Variants in GABPB2 observed in about 807,000 individuals in gnomAD.
GABPB2 encodes GA-binding protein subunit beta-2.
Under a neutral mutation model 39.1 loss-of-function variants are expected in GABPB2, and 23 were observed. The ratio of observed to expected loss-of-function variants is 0.59; its 90% CI spans 0.42 to 0.83. GABPB2 has a LOEUF of 0.83. Ranked by LOEUF, GABPB2 falls within the 40% of genes least tolerant of loss-of-function variation. The probability of loss-of-function intolerance (pLI) is 0.00; values close to 1 mark genes in which losing one functional copy is unlikely to be tolerated. For missense variants in GABPB2, 467 were observed against 541.1 expected, an observed-to-expected ratio of 0.86 and a Z score of 1.36; for synonymous variants, 184 against 199.3, an observed-to-expected ratio of 0.92 and a Z score of 0.65.
rs1189845025 is a variant in GABPB2 at position 151,090,586 on chromosome 1, T to G, written c.276+13T>G. ...ACTGCTTGTTCGGGTAAAGCAAGAATAGGGGCAAGGTTATGTTGTTAAAAA... is the reference window on the plus strand; with the variant it reads ...ACTGCTTGTTCGGGTAAAGCAAGAAGAGGGGCAAGGTTATGTTGTTAAAAA... On this transcript the variant is annotated intron_variant, in intron 3 of 8. Transcript: ENST00000368918. 6.2e-7 allele frequency: 1 copy of G among 1,612,758 alleles called. No individual in the cohort carries two copies. Among genetic ancestry groups the G allele is most frequent in the African/African-American group, 1.3e-5 (1 of 74,872 alleles).
intron 7 of GABPB2, among the ~76,000 whole-genome samples, chr1:151,116,382 C>T (rs1041915091): frequency 7.5e-6 from 1 of 133,252 alleles, no homozygotes; most frequent in Non-Finnish European, 1.5e-5. Flanking sequence ...GTCTGGGCAA[C>T]GAGAGCAAAA....
chr1:151,090,039 A>G (rs1166721364), intron 2 of GABPB2, among the ~76,000 whole-genome samples: 1 of 151,998 alleles, frequency 6.6e-6, no homozygotes, highest in Non-Finnish European at 1.5e-5. Flanking sequence ...CCAGGTTCAA[A>G]GCAATTCTCC....
rs115498753 is a variant in GABPB2 at position 151,121,736 on chromosome 1, C to T, written c.*3480C>T. 0.015 allele frequency: 2,351 copies of T among 152,252 alleles called. 66 individuals carry two copies. Among genetic ancestry groups the T allele is most frequent in the African/African-American group, 0.054 (2,222 of 41,530 alleles). The allele number at this position is 152,252 out of a possible 1,614,324, so 9.4% of individuals were successfully genotyped here. ...TATAGGCGTGAGCCACTGCGCCTGA[C>T]CACCTACCTGCTGGGTTTTCTTTGT... On this transcript the variant is annotated 3_prime_UTR_variant, in exon 9 of 9. Transcript: ENST00000368918.
intron 6 of GABPB2, among the ~76,000 whole-genome samples, chr1:151,105,052 G>A (rs903755435): frequency 6.6e-5 from 10 of 151,734 alleles, no homozygotes; most frequent in Admixed American, 2.6e-4. Context: ...GATTACAGGC[G>A]CCCACCACCA....
rs587710732 is a variant in GABPB2, at chr1:151,103,739, G to C, written c.736+64G>C. On this transcript the variant is annotated intron_variant, in intron 6 of 8. Transcript: ENST00000368918. ...TTCTTTTGTTTTTAAGTCTCCAGCA[G>C]ATTTAATTTGCATGAAATATTATTA... The C allele has an allele frequency of 1.2e-3, 1,239 of 1,025,236 alleles. 2 individuals carry two copies. The highest frequency in any genetic ancestry group is 1.7e-3 in the Non-Finnish European group (1,117 of 659,288). 63.5% of individuals were successfully genotyped at this position (1,025,236 alleles called of 1,614,324 possible).
At chr1:151,093,157 C>G in intron 3 of GABPB2, 35 bp from the exon 4 acceptor site, 1 of 1,511,038 alleles carries the variant, frequency 6.6e-7, no homozygotes, top group East Asian at 2.4e-5. Flanking sequence ...CTACTATAAC[C>G]GCTGTTTGTT....
At chr1:151,091,224 A>G (rs1678666091) in intron 3 of GABPB2, among the ~76,000 whole-genome samples, 1 of 147,430 alleles carries the variant, frequency 6.8e-6, no homozygotes, top group Non-Finnish European at 1.5e-5. Flanking sequence ...AGTAGCTGGG[A>G]TTACAGGCGC....
In GABPB2 at chr1:151,107,035, AG is replaced by A; in HGVS notation, c.737-1del. On this transcript the variant is annotated splice_acceptor_variant, in intron 6 of 8. Coordinates refer to ENST00000368918, the MANE Select transcript of GABPB2 (RefSeq NM_144618.3). LOFTEE classifies it high-confidence loss of function. ...TTTTAAATTTGCTTTTGTCATCTCT[AG>A]CCAATACAGAGGAAATTATAGAAGG... 6.3e-7 allele frequency: 1 copy of A among 1,597,022 alleles called. No homozygotes were observed. The highest frequency in any genetic ancestry group is 1.1e-5 in the South Asian group (1 of 88,202).
At chr1:151,094,375 A>C (rs1571934327) in intron 4 of GABPB2, among the ~76,000 whole-genome samples, 2 of 100,132 alleles carry the variant, frequency 2.0e-5, no homozygotes, top group South Asian at 4.0e-4. Context: ...TCTGTTTCCC[A>C]CCCCCGACCC....
At chr1:151,086,194 G>A (rs761535897) in intron 1 of GABPB2, among the ~76,000 whole-genome samples, 3 of 152,060 alleles carry the variant, frequency 2.0e-5, no homozygotes, top group South Asian at 2.1e-4. Context: ...GCAGTGAGCT[G>A]TGATTGTGCC....
At chr1:151,103,461 C>T (rs191932178) in intron 5 of GABPB2, 101 bp from the exon 6 acceptor site, 1 of 709,146 alleles carries the variant, frequency 1.4e-6, no homozygotes, top group Non-Finnish European at 2.5e-6. Flanking sequence ...AGATTGAGGA[C>T]ATTAGAAGGA....
intron 1 of GABPB2, among the ~76,000 whole-genome samples, chr1:151,077,283 G>A (rs1294354338): frequency 1.3e-5 from 2 of 151,226 alleles, no homozygotes; most frequent in African/African-American, 4.9e-5. Context: ...GTCACTTTCT[G>A]ACTTTCTGAC....
At position 151,118,771 on chromosome 1, in the gene GABPB2, C is replaced by G. The variant is rs749360333; in HGVS notation, c.*515C>G. The G allele has an allele frequency of 1.3e-5, 2 of 151,948 alleles. No homozygotes were observed. The highest frequency in any genetic ancestry group is 2.9e-5 in the Non-Finnish European group (2 of 68,216). 9.4% of individuals were successfully genotyped at this position (151,948 alleles called of 1,614,324 possible). A position where few individuals can be genotyped will look rare whatever the true frequency, so the allele number is the denominator to read the frequency against. ...TTTCCAAAGGAGCAGGAACTCCCAACCTTAAGTTAATTTCACTGAAGAGAA... is the reference window on the plus strand; with the variant it reads ...TTTCCAAAGGAGCAGGAACTCCCAAGCTTAAGTTAATTTCACTGAAGAGAA... On this transcript the variant is annotated 3_prime_UTR_variant, in exon 9 of 9. Transcript: ENST00000368918.
chr1:151,117,452 A>G lies in GABPB2; in HGVS notation c.983A>G (p.Glu328Gly). Residue 328 changes from glutamate (E) to glycine (G), a missense_variant, in exon 8 of 9, where the codon GAG becomes GGG. Coordinates refer to ENST00000368918, the MANE Select transcript of GABPB2 (RefSeq NM_144618.3). ...ACTGTAATTAAAGAGGAAGAAGAAG[A>G]GAAGTTGCCACTAACAAAGAAACCA... The part of the protein sequence containing the change: ...EETVIKEEEE[E>G]KLPLTKKPRI... The G allele has an allele frequency of 6.2e-7, 1 of 1,613,838 alleles. No individual in the cohort carries two copies.
chr1:151,101,992 TATAAG>T (rs1389999771), intron 5 of GABPB2, among the ~76,000 whole-genome samples: 1 of 152,180 alleles, frequency 6.6e-6, no homozygotes, highest in African/African-American at 2.4e-5. Flanking sequence ...AGCACACAGA[TATAAG>T]AGAAGAAGGT....
chr1:151,094,311 C>G (rs752642762), intron 4 of GABPB2, among the ~76,000 whole-genome samples: 1 of 151,712 alleles, frequency 6.6e-6, no homozygotes, highest in Admixed American at 6.6e-5. Flanking sequence ...CTTGGCCTCT[C>G]AAAGTGCTGG....
intron 7 of GABPB2, among the ~76,000 whole-genome samples, chr1:151,116,325 G>T (rs990068355): frequency 6.6e-6 from 1 of 151,572 alleles, no homozygotes; most frequent in Admixed American, 6.6e-5. Flanking sequence ...GGGAAGCGGA[G>T]GTTGCAGTTA....
rs992358082 is a variant in GABPB2, at chr1:151,070,914, G to C, written c.-21G>C. On this transcript the variant is annotated 5_prime_UTR_variant, in exon 1 of 9. Transcript: ENST00000368918. ...TGGCGGGCTCCGTGGAAGCGTGGCC[G>C]GCAGCGTCCCGGACGAGGAGGTGAG... 2 of 152,226 alleles carry C rather than the reference G, an allele frequency of 1.3e-5. No individual in the cohort carries two copies. The highest frequency in any genetic ancestry group is 2.9e-5 in the Non-Finnish European group (2 of 68,060). The allele number at this position is 152,226 out of a possible 1,614,324, so 9.4% of individuals were successfully genotyped here.
At chr1:151,097,797 CAGAAA>C (rs1679208923) in intron 4 of GABPB2, 50 bp from the exon 5 acceptor site, 2 of 1,498,968 alleles carry the variant, frequency 1.3e-6, no homozygotes, top group Non-Finnish European at 1.8e-6. Context: ...AAAAGAAAGA[CAGAAA>C]AGAAAAGCTA....
Sources: gnomAD v4.1 joint callset for allele counts (sites outside exome capture counted in the v4.1 genomes callset) on GRCh38, gnomAD v4.1.1 for gene constraint, MANE v1.5 for transcripts, NCBI Gene and HGNC (gene_info 2026-07-23, HGNC 2026-07-21) for gene names.